The following KCNQ5 variants were observed in gnomAD, a reference collection of about 807,000 sequenced individuals.
KCNQ5 encodes potassium voltage-gated channel subfamily KQT member 5.
A neutral mutation model predicts 98.2 loss-of-function variants in KCNQ5; 30 were observed. The observed-to-expected ratio is 0.31, with a 90% CI of 0.23 to 0.41. The LOEUF (loss-of-function observed/expected upper bound fraction) is 0.41. Among genes scored for constraint, KCNQ5 ranks in the 10% least tolerant of loss-of-function variants. The pLI is 1.00. For missense variants in KCNQ5, 835 were observed against 1,182.5 expected (o/e 0.71, Z 4.31); for synonymous variants, 458 against 449.4 (o/e 1.02, Z -0.24).
At chr6:72,934,829 C>T (rs1250727011) in intron 1 of KCNQ5, among the ~76,000 whole-genome samples, 1 of 152,136 alleles carries the variant, frequency 6.6e-6, no homozygotes, top group Admixed American at 6.5e-5. Context: ...AAGCATCTCA[C>T]TTCTTATTCT....
intron 1 of KCNQ5, among the ~76,000 whole-genome samples, chr6:72,654,139 A>G (rs1392093332): frequency 6.6e-6 from 1 of 152,076 alleles, no homozygotes; most frequent in African/African-American, 2.4e-5. Context: ...GAAGGGAAAT[A>G]CAGAGAAATG....
At chr6:73,050,955 C>A (rs1436209590) in intron 3 of KCNQ5, among the ~76,000 whole-genome samples, 1 of 152,122 alleles carries the variant, frequency 6.6e-6, no homozygotes, top group Non-Finnish European at 1.5e-5. Flanking sequence ...CTAGATGTAA[C>A]ACAATTTGTA....
intron 1 of KCNQ5, among the ~76,000 whole-genome samples, chr6:72,687,899 C>A (rs112186537): frequency 1.4e-5 from 2 of 145,658 alleles, no homozygotes; most frequent in Non-Finnish European, 3.0e-5. Context: ...AGTGCAGTGG[C>A]GTGATGTCGG....
At chr6:72,929,698 T>G (rs1454984044) in intron 1 of KCNQ5, among the ~76,000 whole-genome samples, 2 of 152,100 alleles carry the variant, frequency 1.3e-5, no homozygotes, top group Non-Finnish European at 2.9e-5. Flanking sequence ...AACTATTGGA[T>G]AGAAGAAAAT....
At chr6:72,709,680 G>A (rs999093680) in intron 1 of KCNQ5, among the ~76,000 whole-genome samples, 1 of 152,104 alleles carries the variant, frequency 6.6e-6, no homozygotes, top group Non-Finnish European at 1.5e-5. Flanking sequence ...CACACCATGT[G>A]CTAGCCACTA....
Position 73,120,551 on chromosome 6 carries a change from G to T in KCNQ5, c.1194G>T (p.Lys398Asn). Residue 398 changes from lysine to asparagine, a missense_variant, in exon 8 of 14, where the codon AAG becomes AAT. Physicochemically the swap from Lys to Asn is moderately conservative, Grantham distance 94. Coordinates refer to ENST00000370398, the MANE Select transcript of KCNQ5 (RefSeq NM_019842.4). ...VSIATWKPHLKALHTCSPTKK... is the reference protein window; with the variant it reads ...VSIATWKPHLNALHTCSPTKK... Reference sequence around the variant, plus strand: ...TTGCAACCTGGAAGCCACACTTGAAGGCCTTGCACACCTGCAGCCCTACCA... The same window carrying T: ...TTGCAACCTGGAAGCCACACTTGAATGCCTTGCACACCTGCAGCCCTACCA... 6.2e-7 allele frequency: 1 copy of T among 1,611,344 alleles called. No individual in the cohort carries two copies. Among genetic ancestry groups the T allele is most frequent in the Non-Finnish European group, 8.5e-7 (1 of 1,178,260 alleles).
chr6:73,133,714 C>A (rs2150457884), intron 10 of KCNQ5, 73 bp downstream of exon 10: 3 of 1,232,772 alleles, frequency 2.4e-6, no homozygotes, highest in South Asian at 2.6e-5. Context: ...GTAATTAATT[C>A]TCCATAGTGC....
intron 1 of KCNQ5, among the ~76,000 whole-genome samples, chr6:72,846,371 T>G (rs1018625485): frequency 1.3e-5 from 2 of 152,110 alleles, no homozygotes; most frequent in African/African-American, 4.8e-5. Context: ...GGCTTCATAG[T>G]CTCACCACTC....
At chr6:72,743,451 G>A (rs1260603820) in intron 1 of KCNQ5, among the ~76,000 whole-genome samples, 1 of 151,938 alleles carries the variant, frequency 6.6e-6, no homozygotes, top group Non-Finnish European at 1.5e-5. Flanking sequence ...TGAATTTGTA[G>A]TAAACACAAA....
chr6:72,897,171 G>T (rs2150189278), intron 1 of KCNQ5, among the ~76,000 whole-genome samples: 1 of 152,200 alleles, frequency 6.6e-6, no homozygotes, highest in Admixed American at 6.5e-5. Flanking sequence ...CCACTTTGGG[G>T]CCCAGGATAA....
rs376176492 is a variant in KCNQ5, at chr6:72,694,391, T to C, written c.398+71804T>C. 7.2e-5 allele frequency among the ~76,000 whole-genome samples: 11 copies of C among 152,292 alleles called. No homozygotes were observed. The South Asian group carries it at 8.3e-4, about 11-fold the overall frequency. ...GTCTGAAGGCTTGATATGTAAGAGA[T>C]GCATCCTTACTTTGTGCCTGTCCTT... On this transcript the variant is annotated intron_variant, in intron 1 of 13. Transcript: ENST00000370398.
At chr6:72,636,697 G>C (rs1181614010) in intron 1 of KCNQ5, among the ~76,000 whole-genome samples, 2 of 152,306 alleles carry the variant, frequency 1.3e-5, no homozygotes, top group East Asian at 3.9e-4. Flanking sequence ...CTTGCTAAGT[G>C]TAAGACCCTA....
At chr6:72,687,891 T>G (rs1249449908) in intron 1 of KCNQ5, among the ~76,000 whole-genome samples, 10 of 148,234 alleles carry the variant, frequency 6.7e-5, no homozygotes, top group African/African-American at 2.3e-4. Context: ...CAGGCTGGAG[T>G]GCAGTGGCGT....
At chr6:73,015,533 A>G (rs1770291651) in intron 2 of KCNQ5, among the ~76,000 whole-genome samples, 1 of 152,130 alleles carries the variant, frequency 6.6e-6, no homozygotes, top group African/African-American at 2.4e-5. Flanking sequence ...CCATATTTTT[A>G]TGCAAACATT....
intron 1 of KCNQ5, among the ~76,000 whole-genome samples, chr6:72,915,373 A>G (rs1401382305): frequency 3.9e-5 from 6 of 152,148 alleles, no homozygotes; most frequent in African/African-American, 1.4e-4. Flanking sequence ...TCTTATTTTT[A>G]AAAGCTTAAA....
At chr6:72,986,927 G>A in intron 1 of KCNQ5, 1 of 856,586 alleles carries the variant, frequency 1.2e-6, no homozygotes, top group Non-Finnish European at 1.9e-6. Flanking sequence ...TGAGGAACAG[G>A]CAGCCTTGGG....
intron 1 of KCNQ5, among the ~76,000 whole-genome samples, chr6:72,936,453 A>G (rs1217178372): frequency 6.6e-6 from 1 of 152,202 alleles, no homozygotes; most frequent in South Asian, 2.1e-4. Flanking sequence ...AATATTTATT[A>G]TAAAATTAAT....
chr6:72,895,891 C>G (rs1471424569), intron 1 of KCNQ5, among the ~76,000 whole-genome samples: 1 of 151,744 alleles, frequency 6.6e-6, no homozygotes, highest in Non-Finnish European at 1.5e-5. Context: ...TGTGTCTATT[C>G]CAGAAAATGA....
intron 2 of KCNQ5, among the ~76,000 whole-genome samples, chr6:73,035,632 T>C (rs1771379243): frequency 6.6e-6 from 1 of 152,142 alleles, no homozygotes; most frequent in South Asian, 2.1e-4. Flanking sequence ...TTTCAACTCA[T>C]ATGAAAATAA....
Sources: allele counts gnomAD v4.1 joint callset (sites outside exome capture counted in the v4.1 genomes callset), GRCh38; gene constraint gnomAD v4.1.1; transcripts MANE v1.5; gene names NCBI Gene and HGNC (gene_info 2026-07-23, HGNC 2026-07-21).